ALK: variants seen among roughly 807,000 people sequenced by gnomAD.
The protein encoded by ALK is ALK tyrosine kinase receptor.
Under a neutral mutation model 163.1 loss-of-function variants are expected in ALK, and 74 were observed. The ratio of observed to expected loss-of-function variants is 0.45; its 90% CI spans 0.38 to 0.55. The LOEUF is 0.55. ALK is among the 20% of genes least tolerant of loss of function. The probability of loss-of-function intolerance (pLI) is 0.00; values close to 1 mark genes in which losing one functional copy is unlikely to be tolerated. For missense variants in ALK, 2,063 were observed against 2,105.3 expected (o/e 0.98, Z 0.39); for synonymous variants, 960 against 843.2 (o/e 1.14, Z -2.40).
intron 1 of ALK, among the ~76,000 whole-genome samples, chr2:29,806,922 A>G (rs1239466019): frequency 1.3e-5 from 2 of 152,240 alleles, no homozygotes; most frequent in Non-Finnish European, 2.9e-5. Flanking sequence ...GTGTTAGACA[A>G]TTGTAAGGAA....
chr2:29,455,974 A>G (rs753290375), intron 4 of ALK, among the ~76,000 whole-genome samples: 1 of 152,190 alleles, frequency 6.6e-6, no homozygotes, highest in Non-Finnish European at 1.5e-5. Context: ...AGAGCTCTAG[A>G]TTAAAACTGA....
intron 1 of ALK, among the ~76,000 whole-genome samples, chr2:29,852,136 T>C (rs1666011997): frequency 6.6e-6 from 1 of 152,200 alleles, no homozygotes; most frequent in South Asian, 2.1e-4. Flanking sequence ...AGCCCCTATG[T>C]AGCGTTTATC....
At chr2:29,744,195 G>A (rs954592200) in intron 1 of ALK, among the ~76,000 whole-genome samples, 2 of 152,264 alleles carry the variant, frequency 1.3e-5, no homozygotes, top group East Asian at 1.9e-4. Flanking sequence ...CCCACAGGAG[G>A]AGCTACTTGC....
intron 3 of ALK, among the ~76,000 whole-genome samples, chr2:29,611,123 G>A (rs150658140): frequency 9.7e-4 from 147 of 152,272 alleles, no homozygotes; most frequent in Non-Finnish European, 1.9e-3. Context: ...GATACCCCTG[G>A]GAATCAAATG....
chr2:29,873,591 C>T (rs1429245384), intron 1 of ALK, among the ~76,000 whole-genome samples: 2 of 152,178 alleles, frequency 1.3e-5, no homozygotes, highest in East Asian at 3.9e-4. Flanking sequence ...GAAATATGCC[C>T]AGAGACAGAA....
intron 8 of ALK, among the ~76,000 whole-genome samples, chr2:29,297,559 T>C (rs946307413): frequency 6.6e-6 from 1 of 152,242 alleles, no homozygotes; most frequent in Non-Finnish European, 1.5e-5. Flanking sequence ...TCATGTCACA[T>C]GTCAGCTAAC....
intron 1 of ALK, among the ~76,000 whole-genome samples, chr2:29,909,694 GT>G (rs764944289): frequency 2.0e-5 from 3 of 152,186 alleles, no homozygotes; most frequent in East Asian, 3.8e-4. Context: ...ATTGGGAAAT[GT>G]TTTTTAAGTG....
intron 19 of ALK, chr2:29,223,892 G>A (rs1336979970): frequency 2.6e-6 from 1 of 387,866 alleles, no homozygotes; most frequent in East Asian, 4.5e-5. Context: ...AGGGAGCCAG[G>A]GAAGGCTGGG....
chr2:29,657,030 C>A (rs1170479733), intron 3 of ALK, among the ~76,000 whole-genome samples: 1 of 152,126 alleles, frequency 6.6e-6, no homozygotes, highest in Non-Finnish European at 1.5e-5. Context: ...TTCAGGTAAG[C>A]TGCCAGCTTG....
intron 1 of ALK, among the ~76,000 whole-genome samples, chr2:29,785,912 TACACACACACACACAC>T (rs10524599): frequency 0.55 from 81,132 of 146,570 alleles, 25,853 homozygotes; most frequent in Non-Finnish European, 0.72. Flanking sequence ...TTTTTGAGTA[TACACACACACACACAC>T]ACACACACAC....
chr2:29,827,188 C>T (rs1425565867), intron 1 of ALK, among the ~76,000 whole-genome samples: 2 of 152,170 alleles, frequency 1.3e-5, no homozygotes, highest in Non-Finnish European at 1.5e-5. Context: ...GCTCTGGGAG[C>T]ATGGTTTTCC....
chr2:29,642,840 A>G (rs867463354), intron 3 of ALK, among the ~76,000 whole-genome samples: 9 of 152,306 alleles, frequency 5.9e-5, no homozygotes, highest in Middle Eastern at 6.8e-3. Flanking sequence ...ATTTAAACTC[A>G]GTTTGCCTAC....
Position 29,489,108 on chromosome 2 carries a change from G to A in ALK, c.1154+42807C>T, listed in dbSNP as rs547948300. Among the ~76,000 whole-genome samples the A allele has an allele frequency of 2.6e-5, 4 of 152,278 alleles. No homozygotes were observed. The East Asian group carries it at 7.7e-4, about 29-fold the overall frequency. On this transcript the variant is annotated intron_variant, in intron 4 of 28. Transcript: ENST00000389048. ...AATGAATACACAGAGGAGATGAAAA[G>A]AGCCCTCAATTACTTACTTATATGT... is the stretch of plus-strand genomic sequence containing the variant.
chr2:29,457,942 C>A (rs1670998818), intron 4 of ALK, among the ~76,000 whole-genome samples: 1 of 152,104 alleles, frequency 6.6e-6, no homozygotes, highest in Non-Finnish European at 1.5e-5. Flanking sequence ...CTTGAAAGTA[C>A]TATCATCAAT....
At chr2:29,810,141 G>A (rs550716555) in intron 1 of ALK, among the ~76,000 whole-genome samples, 2 of 152,294 alleles carry the variant, frequency 1.3e-5, no homozygotes, top group East Asian at 3.9e-4. Flanking sequence ...CAGAGAGTCA[G>A]CCGGACATGG....
At chr2:29,344,788 A>C (rs1308439540) in intron 5 of ALK, among the ~76,000 whole-genome samples, 2 of 152,250 alleles carry the variant, frequency 1.3e-5, no homozygotes, top group Non-Finnish European at 2.9e-5. Flanking sequence ...ACAGAGAAGG[A>C]GTGTCCAGCC....
intron 22 of ALK, chr2:29,221,095 C>T: frequency 1.6e-6 from 1 of 613,234 alleles, no homozygotes; most frequent in Middle Eastern, 2.6e-4. Flanking sequence ...TGCTCAGGCA[C>T]TTGGGTGAGG....
intron 3 of ALK, among the ~76,000 whole-genome samples, chr2:29,577,697 TCAC>T (rs1674563462): frequency 6.6e-6 from 1 of 152,212 alleles, no homozygotes; most frequent in African/African-American, 2.4e-5. Context: ...GACTGGCTCC[TCAC>T]CACATCTTTG....
At chr2:29,430,965 C>G (rs1399520850) in intron 4 of ALK, among the ~76,000 whole-genome samples, 1 of 149,818 alleles carries the variant, frequency 6.7e-6, no homozygotes, top group African/African-American at 2.5e-5. Flanking sequence ...AAGGTGAGGA[C>G]AAAGAGGCTG....
Sources: gnomAD v4.1 joint callset for allele counts (sites outside exome capture counted in the v4.1 genomes callset) on GRCh38, gnomAD v4.1.1 for gene constraint, MANE v1.5 for transcripts, NCBI Gene and HGNC (gene_info 2026-07-23, HGNC 2026-07-21) for gene names.